STK33: variants seen among roughly 807,000 people sequenced by gnomAD.
STK33 encodes the protein serine/threonine kinase 33, also known as serine/threonine-protein kinase 33.
Under a neutral mutation model 58.0 loss-of-function variants are expected in STK33, and 52 were observed. That is an observed-to-expected ratio of 0.90 (90% CI 0.72 to 1.13). The LOEUF is 1.13. Ranked by LOEUF, STK33 falls within the 50% of genes most tolerant of loss-of-function variation. The pLI, the probability that STK33 is intolerant of heterozygous loss-of-function variation, is 0.00. For synonymous variants in STK33, 215 were observed against 200.1 expected, an observed-to-expected ratio of 1.07 and a Z score of -0.63; for missense variants, 630 against 604.2, an observed-to-expected ratio of 1.04 and a Z score of -0.45.
intron 1 of STK33, among the ~76,000 whole-genome samples, chr11:8,555,825 C>T (rs994625005): frequency 2.6e-5 from 4 of 151,562 alleles, no homozygotes; most frequent in Non-Finnish European, 5.9e-5. Flanking sequence ...TAAATGTATA[C>T]AATTATGATG....
intron 12 of STK33, among the ~76,000 whole-genome samples, chr11:8,440,253 C>T (rs1202509980): frequency 2.6e-5 from 4 of 151,922 alleles, no homozygotes; most frequent in Non-Finnish European, 5.9e-5. Context: ...CCTAAGTGAC[C>T]CTCTGCCTAG....
At chr11:8,352,550 A>C in the STK33 span, among the ~76,000 whole-genome samples, 1 of 152,146 alleles carries the variant, frequency 6.6e-6, no homozygotes, top group Non-Finnish European at 1.5e-5. Context: ...ATTTTAGTCC[A>C]ATATAAGAAA....
chr11:8,420,989 A>T (rs1027409254), intron 14 of STK33, among the ~76,000 whole-genome samples: 3 of 151,940 alleles, frequency 2.0e-5, no homozygotes, highest in African/African-American at 7.2e-5. Context: ...TCTGAAAAAA[A>T]AAAAGGGGAG....
chr11:8,358,972 A>G, the STK33 span, among the ~76,000 whole-genome samples: 2 of 152,196 alleles, frequency 1.3e-5, no homozygotes, highest in East Asian at 3.8e-4. Context: ...TCCCGACAAG[A>G]AGCGCGGGGA....
intron 1 of STK33, among the ~76,000 whole-genome samples, chr11:8,507,580 A>G (rs1223431498): frequency 6.6e-6 from 1 of 152,156 alleles, no homozygotes; most frequent in Non-Finnish European, 1.5e-5. Flanking sequence ...GAGCATGTCT[A>G]TGTCTTAAAA....
In STK33 at chr11:8,413,776, C is replaced by T. The variant is rs1940691411; in HGVS notation, c.1147-84G>A. On this transcript the variant is annotated intron_variant, in intron 14 of 15. Transcript: ENST00000687296. ...TACATCATTTAGCGAGACAGTCTCC[C>T]AAATTCAGTAATAGTCACATGGAAA... is the stretch of plus-strand genomic sequence containing the variant. The T allele has an allele frequency of 2.1e-5, 25 of 1,207,858 alleles. 1 individual carries two copies. In the South Asian group the frequency reaches 3.4e-4, roughly 17 times the overall value. The allele number at this position is 1,207,858 out of a possible 1,614,324, so 74.8% of individuals were successfully genotyped here.
intron 15 of STK33, among the ~76,000 whole-genome samples, chr11:8,401,751 A>G (rs1246497275): frequency 2.6e-5 from 4 of 152,234 alleles, no homozygotes; most frequent in Admixed American, 6.5e-5. Flanking sequence ...CAGAATCTAT[A>G]ATGAATTCAA....
intron 1 of STK33, among the ~76,000 whole-genome samples, chr11:8,550,471 C>T (rs190538878): frequency 2.0e-5 from 3 of 152,192 alleles, no homozygotes; most frequent in African/African-American, 7.2e-5. Flanking sequence ...TTGCACTGTC[C>T]GGCTGCAAAT....
intron 1 of STK33, among the ~76,000 whole-genome samples, chr11:8,495,426 A>G (rs1462656728): frequency 9.9e-5 from 15 of 152,186 alleles, no homozygotes; most frequent in Non-Finnish European, 2.2e-4. Flanking sequence ...TAGAATGGTG[A>G]TCATTAAAAA....
At chr11:8,500,054 G>A (rs1428941960) in intron 1 of STK33, among the ~76,000 whole-genome samples, 1 of 151,996 alleles carries the variant, frequency 6.6e-6, no homozygotes, top group Non-Finnish European at 1.5e-5. Flanking sequence ...ATGTACCCCA[G>A]AACTTAAAAT....
At chr11:8,439,392 G>T (rs1944439006) in intron 12 of STK33, among the ~76,000 whole-genome samples, 1 of 152,088 alleles carries the variant, frequency 6.6e-6, no homozygotes, top group African/African-American at 2.4e-5. Flanking sequence ...ATTTACACAT[G>T]TGTAAACCTT....
chr11:8,482,518 G>A (rs1404035364), intron 1 of STK33, among the ~76,000 whole-genome samples: 11 of 152,016 alleles, frequency 7.2e-5, no homozygotes, highest in Non-Finnish European at 1.3e-4. Flanking sequence ...TAATGATTAC[G>A]ATAATGATAA....
chr11:8,532,091 T>A (rs888360036), intron 1 of STK33, among the ~76,000 whole-genome samples: 5 of 152,200 alleles, frequency 3.3e-5, no homozygotes, highest in African/African-American at 1.2e-4. Flanking sequence ...TTAGTGAGCC[T>A]CAAAATAACC....
chr11:8,452,891 A>G lies in STK33; in HGVS notation c.802T>C (p.Leu268=). The G allele has an allele frequency of 6.2e-7, 1 of 1,614,154 alleles. No homozygotes were observed. Among genetic ancestry groups the G allele is most frequent in the Non-Finnish European group, 8.5e-7 (1 of 1,179,994 alleles). The part of the protein sequence containing the change: ...NLNIKVTDFG[L]AVKKQSRSEA... The stretch of plus-strand genomic sequence containing the variant: ...CTCCTACTTTGCTTCTTCACCGCTA[A>G]GCCAAAATCAGTCACCTGGGAGAAG... Residue 268 remains leucine (L), a synonymous_variant, in exon 11 of 16, where the codon TTA becomes CTA. Coordinates refer to ENST00000687296, the MANE Select transcript of STK33 (RefSeq NM_001352389.2).
chr11:8,525,559 C>T (rs1443792196), intron 1 of STK33, among the ~76,000 whole-genome samples: 2 of 152,060 alleles, frequency 1.3e-5, no homozygotes, highest in African/African-American at 4.8e-5. Context: ...AAAGGAAACC[C>T]GAATTCTATT....
intron 1 of STK33, among the ~76,000 whole-genome samples, chr11:8,498,311 C>A (rs1951219857): frequency 6.6e-6 from 1 of 151,982 alleles, no homozygotes; most frequent in Admixed American, 6.6e-5. Context: ...AAACAGAGAG[C>A]CAAATCATGA....
chr11:8,394,551 C>A (rs1048891579), intron 15 of STK33, among the ~76,000 whole-genome samples: 2 of 152,162 alleles, frequency 1.3e-5, no homozygotes, highest in Admixed American at 6.5e-5. Context: ...TTCCATTCTT[C>A]TTTACTGCTT....
rs1196481359 is a variant in STK33 at position 8,464,755 on chromosome 11, T to C, written c.407A>G (p.Lys136Arg). ...AATTGCCCACTTCGTTTCTGTTTCCTTGTCTGTCGCTTCAATGACTATTCC... is the reference window on the plus strand; with the variant it reads ...AATTGCCCACTTCGTTTCTGTTTCCCTGTCTGTCGCTTCAATGACTATTCC... ...SFGIVIEATDKETETKWAIKK... is the reference protein window; with the variant it reads ...SFGIVIEATDRETETKWAIKK... Residue 136 changes from lysine (K) to arginine (R), a missense_variant, in exon 7 of 16, where the codon AAG becomes AGG. By Grantham distance (26) the Lys-to-Arg change is conservative. Transcript: ENST00000687296. 1.2e-6 allele frequency: 2 copies of C among 1,613,922 alleles called. No homozygotes were observed. The highest frequency in any genetic ancestry group is 1.7e-6 in the Non-Finnish European group (2 of 1,179,890).
At chr11:8,410,669 C>T (rs1220128284) in intron 15 of STK33, among the ~76,000 whole-genome samples, 4 of 151,932 alleles carry the variant, frequency 2.6e-5, no homozygotes, top group Non-Finnish European at 5.9e-5. Context: ...GACAGGGTTT[C>T]GCCATGTTGT....
Sources: allele counts gnomAD v4.1 joint callset (sites outside exome capture counted in the v4.1 genomes callset), GRCh38; gene constraint gnomAD v4.1.1; transcripts MANE v1.5; gene names NCBI Gene and HGNC (gene_info 2026-07-23, HGNC 2026-07-21).